The following TEX9 variants were observed in gnomAD, a reference collection of about 807,000 sequenced individuals.
TEX9 encodes the protein testis expressed 9.
Under a neutral mutation model 59.6 loss-of-function variants are expected in TEX9, and 74 were observed. The ratio of observed to expected loss-of-function variants is 1.24; its 90% CI spans 1.03 to 1.51. The LOEUF (loss-of-function observed/expected upper bound fraction) is 1.51. TEX9 is among the 40% of genes most tolerant of loss of function. The probability of loss-of-function intolerance (pLI) is 0.00; values close to 1 mark genes in which losing one functional copy is unlikely to be tolerated. For missense variants in TEX9, 522 were observed against 447.8 expected, an observed-to-expected ratio of 1.17 and a Z score of -1.49; for synonymous variants, 186 against 152.2, an observed-to-expected ratio of 1.22 and a Z score of -1.64.
intron 1 of TEX9, among the ~76,000 whole-genome samples, chr15:56,355,205 A>G (rs1423508441): frequency 1.3e-5 from 2 of 152,154 alleles, no homozygotes. Context: ...GAAATAATTC[A>G]GTATATAGTC....
At chr15:56,401,135 T>G (rs1295525673) in intron 9 of TEX9, among the ~76,000 whole-genome samples, 2 of 151,794 alleles carry the variant, frequency 1.3e-5, no homozygotes, top group African/African-American at 4.8e-5. Context: ...ATAACAATAT[T>G]AACCTTAAAT....
At chr15:56,383,068 C>G (rs1412702388) in intron 3 of TEX9, among the ~76,000 whole-genome samples, 1 of 152,164 alleles carries the variant, frequency 6.6e-6, no homozygotes, top group Non-Finnish European at 1.5e-5. Context: ...GAGTTCTGAC[C>G]CACAGGATGG....
At chr15:56,411,962 G>C (rs1228116768) in intron 9 of TEX9, among the ~76,000 whole-genome samples, 2 of 152,140 alleles carry the variant, frequency 1.3e-5, no homozygotes, top group East Asian at 3.9e-4. Flanking sequence ...AGGTTCCCAA[G>C]AGAAGAAATA....
the TEX9 span, among the ~76,000 whole-genome samples, chr15:56,458,361 C>T: frequency 6.6e-6 from 1 of 152,148 alleles, no homozygotes; most frequent in Non-Finnish European, 1.5e-5. Flanking sequence ...CATATATTCC[C>T]TGTCCCTACA....
At chr15:56,317,402 T>C (rs2045801580) in intron 1 of TEX9, among the ~76,000 whole-genome samples, 1 of 152,240 alleles carries the variant, frequency 6.6e-6, no homozygotes, top group South Asian at 2.1e-4. Flanking sequence ...TTCTTAATGT[T>C]AGCAATTTAA....
At chr15:56,325,380 G>C (rs1408740673) in intron 1 of TEX9, among the ~76,000 whole-genome samples, 1 of 152,140 alleles carries the variant, frequency 6.6e-6, no homozygotes, top group Non-Finnish European at 1.5e-5. Flanking sequence ...ACGTGATTTA[G>C]AAAGTCTGGT....
chr15:56,280,951 A>G (rs749038642), intron 1 of TEX9, among the ~76,000 whole-genome samples: 1 of 152,232 alleles, frequency 6.6e-6, no homozygotes, highest in Non-Finnish European at 1.5e-5. Flanking sequence ...GTTGACATTC[A>G]TAGCTTCAGA....
At chr15:56,356,407 A>C (rs1010408167) in intron 1 of TEX9, among the ~76,000 whole-genome samples, 1 of 152,118 alleles carries the variant, frequency 6.6e-6, no homozygotes, top group Non-Finnish European at 1.5e-5. Flanking sequence ...TAAATTATTT[A>C]TTTAGGCCTG....
At chr15:56,392,497 TC>T (rs2048263282) in intron 7 of TEX9, among the ~76,000 whole-genome samples, 1 of 152,082 alleles carries the variant, frequency 6.6e-6, no homozygotes, top group Admixed American at 6.6e-5. Flanking sequence ...ACCCCCATGA[TC>T]CATTCACCTC....
chr15:56,255,776 G>T (rs573476886), intron 1 of TEX9, among the ~76,000 whole-genome samples: 9 of 152,040 alleles, frequency 5.9e-5, no homozygotes, highest in African/African-American at 2.2e-4. Flanking sequence ...GAAAAATACA[G>T]AGCCATTTTA....
chr15:56,263,073 GAGT>G (rs2044303536), intron 1 of TEX9, among the ~76,000 whole-genome samples: 1 of 152,076 alleles, frequency 6.6e-6, no homozygotes, highest in Admixed American at 6.6e-5. Flanking sequence ...GCCCAGGCTG[GAGT>G]GCAGTGGTAC....
At chr15:56,405,602 G>A (rs1376073903) in intron 9 of TEX9, among the ~76,000 whole-genome samples, 1 of 152,104 alleles carries the variant, frequency 6.6e-6, no homozygotes, top group East Asian at 1.9e-4. Flanking sequence ...AGCTTCCATT[G>A]GATCTGAACT....
chr15:56,267,486 T>C (rs1332764486), intron 1 of TEX9, among the ~76,000 whole-genome samples: 2 of 152,226 alleles, frequency 1.3e-5, no homozygotes, highest in African/African-American at 4.8e-5. Flanking sequence ...CTTTAATCCA[T>C]CTTGAATTAA....
At chr15:56,408,323 A>G (rs1034033133) in intron 9 of TEX9, among the ~76,000 whole-genome samples, 1 of 152,210 alleles carries the variant, frequency 6.6e-6, no homozygotes, top group Non-Finnish European at 1.5e-5. Flanking sequence ...TTTATATCTC[A>G]GCAATATTTG....
At chr15:56,351,171 A>G (rs1280149226) in intron 1 of TEX9, among the ~76,000 whole-genome samples, 3 of 152,212 alleles carry the variant, frequency 2.0e-5, no homozygotes, top group African/African-American at 7.2e-5. Flanking sequence ...TCTAAGAAAG[A>G]TAAATCTCAC....
At chr15:56,385,430 T>C (rs2047916299) in intron 4 of TEX9, among the ~76,000 whole-genome samples, 1 of 152,160 alleles carries the variant, frequency 6.6e-6, no homozygotes, top group East Asian at 1.9e-4. Context: ...GGCTCCTCAA[T>C]GCAAGGATCA....
chr15:56,244,200 AATCAACATT>A (rs1300171295), exon 1 of TEX9: 1 of 152,206 alleles, frequency 6.6e-6, no homozygotes, highest in Admixed American at 6.5e-5. Context: ...AGTAAAGAGA[AATCAACATT>A]ATCCCCCTTC....
At chr15:56,271,841 T>A (rs965506137) in intron 1 of TEX9, among the ~76,000 whole-genome samples, 8 of 152,164 alleles carry the variant, frequency 5.3e-5, no homozygotes, top group African/African-American at 1.4e-4. Context: ...TTAAAACATT[T>A]TAAAAATGTA....
In TEX9 at chr15:56,401,877, G is replaced by A. The variant is rs151133917; in HGVS notation, c.828+7043G>A. Among the ~76,000 whole-genome samples, 735 of 152,280 alleles carry A rather than the reference G, an allele frequency of 4.8e-3. 5 individuals carry two copies. Among genetic ancestry groups the A allele is most frequent in the African/African-American group, 0.017 (693 of 41,540 alleles). ...GAAACAGAACAACCTGCTCCTGAAT[G>A]ACTACTGGGTACATAATGAAATGAA... is the stretch of plus-strand genomic sequence containing the variant. On this transcript the variant is annotated intron_variant, in intron 9 of 12. Transcript: ENST00000352903.
Sources: gnomAD v4.1 joint callset for allele counts (sites outside exome capture counted in the v4.1 genomes callset) on GRCh38, gnomAD v4.1.1 for gene constraint, MANE v1.5 for transcripts, NCBI Gene and HGNC (gene_info 2026-07-23, HGNC 2026-07-21) for gene names.